SGCZ: variants seen among roughly 807,000 people sequenced by gnomAD.
SGCZ encodes the protein sarcoglycan zeta.
Under a neutral mutation model 41.3 loss-of-function variants are expected in SGCZ, and 40 were observed. The ratio of observed to expected loss-of-function variants is 0.97; its 90% CI spans 0.75 to 1.26. The LOEUF is 1.26. Among genes scored for constraint, SGCZ ranks in the 50% most tolerant of loss-of-function variants. The pLI, the probability that SGCZ is intolerant of heterozygous loss-of-function variation, is 0.00. For synonymous variants in SGCZ, 206 were observed against 137.5 expected (o/e 1.50, Z -3.49); for missense variants, 552 against 369.8 (o/e 1.49, Z -4.04).
intron 4 of SGCZ, among the ~76,000 whole-genome samples, chr8:14,179,456 CA>C (rs1415507462): frequency 6.6e-6 from 1 of 152,166 alleles, no homozygotes; most frequent in Non-Finnish European, 1.5e-5. Context: ...GGAGCTACCA[CA>C]AGGGTTCCTG....
At chr8:15,047,102 T>TC (rs1344421514) in intron 1 of SGCZ, among the ~76,000 whole-genome samples, 2 of 152,026 alleles carry the variant, frequency 1.3e-5, no homozygotes, top group African/African-American at 4.8e-5. Context: ...ATAATGCCTG[T>TC]CCCTCCTGCA....
chr8:14,121,134 C>T (rs1159864875), intron 5 of SGCZ, among the ~76,000 whole-genome samples: 2 of 152,030 alleles, frequency 1.3e-5, no homozygotes, highest in African/African-American at 4.8e-5. Flanking sequence ...ATCCTTCTCA[C>T]GGAAACTCAA....
In SGCZ at chr8:14,090,362, T is replaced by C; in HGVS notation, c.*81A>G. On this transcript the variant is annotated 3_prime_UTR_variant, in exon 8 of 8. Coordinates refer to ENST00000382080, the MANE Select transcript of SGCZ (RefSeq NM_139167.4). ...ACCATTCGAAGAAGCTCTGGACTGA[T>C]CACAAGGGAAACCGAGCAGAACTGT... 6.8e-7 allele frequency: 1 copy of C among 1,479,540 alleles called. No homozygotes were observed. The highest frequency in any genetic ancestry group is 9.1e-7 in the Non-Finnish European group (1 of 1,096,138). 91.7% of individuals were successfully genotyped at this position (1,479,540 alleles called of 1,614,324 possible).
chr8:14,439,006 A>C (rs538325662), intron 2 of SGCZ, among the ~76,000 whole-genome samples: 112 of 152,112 alleles, frequency 7.4e-4, no homozygotes, highest in African/African-American at 2.6e-3. Flanking sequence ...ATAATGCAGG[A>C]TCTTTCACGA....
At chr8:14,980,269 C>A (rs7012038) in intron 1 of SGCZ, among the ~76,000 whole-genome samples, 63,771 of 151,944 alleles carry the variant, frequency 0.42, 14,566 homozygotes, top group East Asian at 0.69. Flanking sequence ...GATTTGATCA[C>A]GAAGAACAGA....
At chr8:15,146,403 T>C (rs965593509) in intron 1 of SGCZ, among the ~76,000 whole-genome samples, 1 of 152,186 alleles carries the variant, frequency 6.6e-6, no homozygotes, top group African/African-American at 2.4e-5. Context: ...AGTCTCCATA[T>C]TGTCCAAGTT....
chr8:14,534,861 G>A (rs10101640), intron 2 of SGCZ, among the ~76,000 whole-genome samples: 1 of 151,800 alleles, frequency 6.6e-6, no homozygotes, highest in Non-Finnish European at 1.5e-5. Context: ...ATCTAGTACT[G>A]TACCATCTGA....
chr8:15,009,903 C>T (rs1252945821), intron 1 of SGCZ, among the ~76,000 whole-genome samples: 1 of 152,104 alleles, frequency 6.6e-6, no homozygotes, highest in Non-Finnish European at 1.5e-5. Context: ...CTGATCAAAA[C>T]CATGCACAAC....
intron 1 of SGCZ, among the ~76,000 whole-genome samples, chr8:14,767,889 A>G (rs115099741): frequency 0.012 from 1,793 of 152,330 alleles, 32 homozygotes; most frequent in African/African-American, 0.038. Flanking sequence ...TGTATTACAT[A>G]GACCCTTGGT....
intron 1 of SGCZ, among the ~76,000 whole-genome samples, chr8:15,148,168 CAT>C (rs1434988906): frequency 6.6e-6 from 1 of 151,970 alleles, no homozygotes; most frequent in Non-Finnish European, 1.5e-5. Context: ...ACAATAAAAA[CAT>C]ATCTGACATA....
At chr8:14,566,982 G>A (rs545612321) in intron 1 of SGCZ, among the ~76,000 whole-genome samples, 50 of 152,306 alleles carry the variant, frequency 3.3e-4, no homozygotes, top group African/African-American at 1.0e-3. Flanking sequence ...CTTAGCACCC[G>A]GGCCAGCAGC....
chr8:14,190,319 T>A (rs1303691821), intron 4 of SGCZ, among the ~76,000 whole-genome samples: 6 of 151,912 alleles, frequency 3.9e-5, no homozygotes, highest in African/African-American at 1.5e-4. Flanking sequence ...GCCAGCGGAA[T>A]CTACTTTTTT....
intron 3 of SGCZ, among the ~76,000 whole-genome samples, chr8:14,246,110 G>T (rs961316000): frequency 6.2e-4 from 95 of 152,152 alleles, no homozygotes; most frequent in African/African-American, 2.1e-3. Flanking sequence ...TATACCCAAA[G>T]GATTAGAAAT....
intron 1 of SGCZ, among the ~76,000 whole-genome samples, chr8:14,634,929 T>TGATA (rs1325386928): frequency 6.6e-6 from 1 of 151,886 alleles, no homozygotes; most frequent in Non-Finnish European, 1.5e-5. Context: ...TAGTAACTAT[T>TGATA]GATAATATTG....
At chr8:14,207,552 A>T (rs533789150) in intron 4 of SGCZ, among the ~76,000 whole-genome samples, 3 of 152,236 alleles carry the variant, frequency 2.0e-5, no homozygotes, top group African/African-American at 7.2e-5. Context: ...TAAAGCTTAA[A>T]TATCTTTTTT....
chr8:14,479,758 T>A (rs1801479553), intron 2 of SGCZ, among the ~76,000 whole-genome samples: 2 of 77,462 alleles, frequency 2.6e-5, no homozygotes, highest in African/African-American at 3.7e-5. Flanking sequence ...TTTTTTTTTT[T>A]TTTATTTGAG....
At chr8:14,345,461 G>A (rs1185190452) in intron 2 of SGCZ, among the ~76,000 whole-genome samples, 1 of 152,040 alleles carries the variant, frequency 6.6e-6, no homozygotes, top group African/African-American at 2.4e-5. Flanking sequence ...CTTACAAATG[G>A]CAAATAAATG....
chr8:14,878,470 T>C (rs1804452741), intron 1 of SGCZ, among the ~76,000 whole-genome samples: 1 of 152,164 alleles, frequency 6.6e-6, no homozygotes, highest in Non-Finnish European at 1.5e-5. Context: ...AGTAGTACTG[T>C]GGTTCTGATG....
At chr8:14,136,713 C>G (rs973133275) in intron 5 of SGCZ, among the ~76,000 whole-genome samples, 1 of 152,190 alleles carries the variant, frequency 6.6e-6, no homozygotes, top group African/African-American at 2.4e-5. Context: ...GACTCCACCT[C>G]TGGGGGCAGG....
Sources: gnomAD v4.1 joint callset for allele counts (sites outside exome capture counted in the v4.1 genomes callset) on GRCh38, gnomAD v4.1.1 for gene constraint, MANE v1.5 for transcripts, NCBI Gene and HGNC (gene_info 2026-07-23, HGNC 2026-07-21) for gene names.